The following DDHD1 variants were observed in gnomAD, a reference collection of about 807,000 sequenced individuals.
DDHD1 encodes the protein DDHD domain containing 1.
DDHD1 carries 49 observed loss-of-function variants against 96.4 expected under a neutral mutation model. That is an observed-to-expected ratio of 0.51 (90% CI 0.40 to 0.64). DDHD1 has a LOEUF of 0.64. Among genes scored for constraint, DDHD1 ranks in the 30% least tolerant of loss-of-function variants. DDHD1 has a pLI of 0.00. For missense variants in DDHD1, 1,106 were observed against 1,161.2 expected (o/e 0.95, Z 0.69); for synonymous variants, 442 against 446.5 (o/e 0.99, Z 0.13).
At chr14:53,093,747 C>G (rs1185413215) in intron 2 of DDHD1, 1 of 287,278 alleles carries the variant, frequency 3.5e-6, no homozygotes, top group Admixed American at 5.7e-5. Flanking sequence ...TAATTAACTG[C>G]TTTCCCGGGT....
intron 4 of DDHD1, among the ~76,000 whole-genome samples, chr14:53,081,956 G>A (rs1263954144): frequency 6.6e-6 from 1 of 152,120 alleles, no homozygotes; most frequent in Non-Finnish European, 1.5e-5. Flanking sequence ...CAGGGAGAGG[G>A]AAGAGAGAAG....
intron 1 of DDHD1, among the ~76,000 whole-genome samples, chr14:53,104,577 G>T (rs1201702951): frequency 6.6e-6 from 1 of 152,002 alleles, no homozygotes; most frequent in South Asian, 2.1e-4. Flanking sequence ...TACATATACA[G>T]GATAAATGAA....
At chr14:53,091,547 G>T (rs572009060) in intron 4 of DDHD1, among the ~76,000 whole-genome samples, 4 of 152,076 alleles carry the variant, frequency 2.6e-5, no homozygotes, top group Non-Finnish European at 5.9e-5. Context: ...ATTAAAAAAG[G>T]CTTCCTTATC....
intron 1 of DDHD1, among the ~76,000 whole-genome samples, chr14:53,113,847 C>T (rs1294596548): frequency 6.6e-6 from 1 of 152,040 alleles, no homozygotes; most frequent in Non-Finnish European, 1.5e-5. Flanking sequence ...TTTTCAAAAC[C>T]CAGTGGTTCC....
intron 1 of DDHD1, among the ~76,000 whole-genome samples, chr14:53,140,431 TTA>T (rs1890563393): frequency 6.6e-6 from 1 of 152,118 alleles, no homozygotes; most frequent in Non-Finnish European, 1.5e-5. Context: ...CTTGGGAGGC[TTA>T]GACAGGAGAA....
rs768202098 is a variant in DDHD1 at position 53,046,957 on chromosome 14, G to C, written c.2522-8C>G. On this transcript the variant is annotated splice_polypyrimidine_tract_variant and splice_region_variant and intron_variant, in intron 12 of 12. Coordinates refer to ENST00000673822, the MANE Select transcript of DDHD1 (RefSeq NM_001160148.2). ...TCCTGTGATCCAACTCCACTAAAAA[G>C]AAAAGAAGTTAAACAAATGAATACA... 6.3e-7 allele frequency: 1 copy of C among 1,593,328 alleles called. No individual in the cohort carries two copies.
At chr14:53,134,420 C>T (rs1045594723) in intron 1 of DDHD1, among the ~76,000 whole-genome samples, 2 of 151,982 alleles carry the variant, frequency 1.3e-5, no homozygotes, top group Non-Finnish European at 2.9e-5. Flanking sequence ...CTTTTATACT[C>T]ACTCTTATTT....
chr14:53,145,994 G>A (rs1407292519), intron 1 of DDHD1, among the ~76,000 whole-genome samples: 1 of 151,942 alleles, frequency 6.6e-6, no homozygotes, highest in Non-Finnish European at 1.5e-5. Context: ...ATCACTTCAG[G>A]TCAGGAGTTC....
chr14:53,152,238 C>A, intron 1 of DDHD1, 23 bp downstream of exon 1: 1 of 1,579,076 alleles, frequency 6.3e-7, no homozygotes, highest in South Asian at 1.2e-5. Flanking sequence ...CCCGTCCTGC[C>A]CTAACCCCGG....
Position 53,152,904 on chromosome 14 carries a change from C to G in DDHD1, c.195G>C (p.Leu65=). 1 of 1,608,234 alleles carries G rather than the reference C, an allele frequency of 6.2e-7. No homozygotes were observed. The highest frequency in any genetic ancestry group is 8.5e-7 in the Non-Finnish European group (1 of 1,177,722). ...PLALLRGEPG[L]HLAPGTDDHN... is the part of the protein sequence containing the mutation. ...GGTCGTCGGTGCCCGGCGCCAAATGCAGCCCGGGTTCCCCGCGCAGCAGGG... is the reference window on the plus strand; with the variant it reads ...GGTCGTCGGTGCCCGGCGCCAAATGGAGCCCGGGTTCCCCGCGCAGCAGGG... Residue 65 remains leucine (L), a synonymous_variant, in exon 1 of 13, where the codon CTG becomes CTC. Coordinates refer to ENST00000673822, the MANE Select transcript of DDHD1 (RefSeq NM_001160148.2).
intron 4 of DDHD1, among the ~76,000 whole-genome samples, chr14:53,090,525 C>T (rs1346930524): frequency 6.6e-6 from 1 of 152,160 alleles, no homozygotes; most frequent in Non-Finnish European, 1.5e-5. Context: ...ACATATACAC[C>T]ATGGAATATG....
intron 2 of DDHD1, among the ~76,000 whole-genome samples, chr14:53,099,767 A>G (rs556598322): frequency 2.0e-5 from 3 of 152,332 alleles, no homozygotes; most frequent in East Asian, 3.9e-4. Flanking sequence ...TTAAACTGCT[A>G]AACATTTTCT....
intron 1 of DDHD1, among the ~76,000 whole-genome samples, chr14:53,115,070 A>G (rs1042342776): frequency 6.6e-6 from 1 of 152,172 alleles, no homozygotes; most frequent in East Asian, 1.9e-4. Flanking sequence ...CGAGAACTTC[A>G]TGAAGCATAC....
At chr14:53,121,577 T>C (rs1337802769) in intron 1 of DDHD1, among the ~76,000 whole-genome samples, 2 of 152,150 alleles carry the variant, frequency 1.3e-5, no homozygotes, top group East Asian at 1.9e-4. Flanking sequence ...GTGGCACATA[T>C]ACACCATGGA....
Position 53,099,985 on chromosome 14 carries a change from AGGAGGAAAAGATTAAATACAGTT to A in DDHD1, c.1012+3675_1012+3697del, listed in dbSNP as rs1887177998. On this transcript the variant is annotated intron_variant, in intron 2 of 12. Coordinates refer to ENST00000673822, the MANE Select transcript of DDHD1 (RefSeq NM_001160148.2). ...TTGAGATTAGTAAGGAAAGTTAATA[AGGAGGAAAAGATTAAATACAGTT>A]GGCACTCCTGATCTGCAGATTCAAC... Among the ~76,000 whole-genome samples, 5 of 152,260 alleles carry A rather than the reference AGGAGGAAAAGATTAAATACAGTT, an allele frequency of 3.3e-5. No individual in the cohort carries two copies. The South Asian group carries it at 1.0e-3, about 32-fold the overall frequency.
At chr14:53,140,006 C>T (rs556355321) in intron 1 of DDHD1, among the ~76,000 whole-genome samples, 13 of 152,054 alleles carry the variant, frequency 8.5e-5, no homozygotes, top group African/African-American at 3.1e-4. Context: ...GAAATAGAAA[C>T]TACAAGTCAA....
rs561534404 is a variant in DDHD1 at position 53,103,863 on chromosome 14, A to T, written c.839-7T>A. On this transcript the variant is annotated splice_region_variant and splice_polypyrimidine_tract_variant and intron_variant, in intron 1 of 12. Transcript: ENST00000673822. ...ACTGGTATTTTATCAGCCTCTGAAA[A>T]AGAGAAATCACAGAATTATACACAT... The T allele has an allele frequency of 2.2e-5, 35 of 1,587,818 alleles. No homozygotes were observed. The Admixed American group carries it at 3.5e-4, about 16-fold the overall frequency.
rs1379446800 is a variant in DDHD1, at chr14:53,108,616, T to G, written c.839-4760A>C. ...TTGCTTATTTCTGGAATTTTCCATT[T>G]AATATTTTTGGACTCTAGTTGACTG... On this transcript the variant is annotated intron_variant, in intron 1 of 12. Coordinates refer to ENST00000673822, the MANE Select transcript of DDHD1 (RefSeq NM_001160148.2). 2.6e-5 allele frequency among the ~76,000 whole-genome samples: 4 copies of G among 152,224 alleles called. No individual in the cohort carries two copies. The East Asian group carries it at 7.7e-4, about 29-fold the overall frequency.
intron 1 of DDHD1, among the ~76,000 whole-genome samples, chr14:53,151,756 C>G (rs1339948892): frequency 6.6e-6 from 1 of 152,176 alleles, no homozygotes; most frequent in Non-Finnish European, 1.5e-5. Flanking sequence ...CCGAACACAC[C>G]CAGTGGGAAC....
Sources: gnomAD v4.1 joint callset for allele counts (sites outside exome capture counted in the v4.1 genomes callset) on GRCh38, gnomAD v4.1.1 for gene constraint, MANE v1.5 for transcripts, NCBI Gene and HGNC (gene_info 2026-07-23, HGNC 2026-07-21) for gene names.